The following NR1I2 variants were observed in gnomAD, a reference collection of about 807,000 sequenced individuals.
NR1I2 encodes orphan nuclear receptor PAR1.
In NR1I2, 42 loss-of-function variants were observed where a neutral mutation model predicts 43.3. The observed-to-expected ratio is 0.97, with a 90% CI of 0.76 to 1.26. The LOEUF is 1.26. NR1I2 is among the 50% of genes most tolerant of loss of function. The pLI, the probability that NR1I2 is intolerant of heterozygous loss-of-function variation, is 0.00. For missense variants in NR1I2, 559 were observed against 566.7 expected, an observed-to-expected ratio of 0.99 and a Z score of 0.14; for synonymous variants, 229 against 215.0, an observed-to-expected ratio of 1.06 and a Z score of -0.57.
chr3:119,805,849 C>T (rs997776400), intron 1 of NR1I2, among the ~76,000 whole-genome samples: 9 of 152,054 alleles, frequency 5.9e-5, no homozygotes, highest in African/African-American at 1.9e-4. Context: ...CTAAAGTATA[C>T]ATTTTGTCTG....
chr3:119,817,135 C>A lies in NR1I2; in HGVS notation c.1228C>A (p.Arg410=), dbSNP rs750767310. 2 of 1,614,054 alleles carry A rather than the reference C, an allele frequency of 1.2e-6. No individual in the cohort carries two copies. Among genetic ancestry groups the A allele is most frequent in the Admixed American group, 1.7e-5 (1 of 60,010 alleles). Residue 410 remains arginine, a synonymous_variant, in exon 9 of 9, where the codon CGG becomes AGG. Transcript: ENST00000393716. Reference sequence around the variant, plus strand: ...CAGCATCAATGCTCAGCACACCCAGCGGCTGCTGCGCATCCAGGACATACA... The same window carrying A: ...CAGCATCAATGCTCAGCACACCCAGAGGCTGCTGCGCATCCAGGACATACA...
chr3:119,801,712 G>A (rs892303888), intron 1 of NR1I2, among the ~76,000 whole-genome samples: 3 of 152,182 alleles, frequency 2.0e-5, no homozygotes, highest in Non-Finnish European at 4.4e-5. Context: ...TTTCTGTGTT[G>A]GCTGGGCTCA....
At chr3:119,796,867 T>G (rs765064223) in intron 1 of NR1I2, among the ~76,000 whole-genome samples, 15 of 152,204 alleles carry the variant, frequency 9.9e-5, no homozygotes, top group African/African-American at 2.4e-5. Flanking sequence ...TGTCAGCCTC[T>G]CTCAGCAGCT....
Position 119,817,512 on chromosome 3 carries a change from T to C in NR1I2, c.*300T>C. 7.9e-7 allele frequency: 1 copy of C among 1,259,922 alleles called. No homozygotes were observed. The highest frequency in any genetic ancestry group is 1.0e-6 in the Non-Finnish European group (1 of 988,206). The allele number at this position is 1,259,922 out of a possible 1,614,324, so 78.0% of individuals were successfully genotyped here. On this transcript the variant is annotated 3_prime_UTR_variant, in exon 9 of 9. Transcript: ENST00000393716. ...TGCCCTTTCCTTTTAAAAGGCCCTGTGGTCTGGGGAGAAATCCCTCAGATC... is the reference window on the plus strand; with the variant it reads ...TGCCCTTTCCTTTTAAAAGGCCCTGCGGTCTGGGGAGAAATCCCTCAGATC...
At chr3:119,809,971 G>T in intron 2 of NR1I2, 90 bp from the exon 3 acceptor site, 1 of 1,544,756 alleles carries the variant, frequency 6.5e-7, no homozygotes. Context: ...AGTCGGTAGG[G>T]GCTGGGGAGG....
chr3:119,815,018 G>A lies in NR1I2; in HGVS notation c.834G>A (p.Gly278=), dbSNP rs12721612. The change falls in exon 6 of 9, where the codon GGG becomes GGA. Residue 278 remains glycine, a synonymous_variant. Transcript: ENST00000393716. Reference sequence around the variant, plus strand: ...AGGACCAGATCTCCCTGCTGAAGGGGGCCGCTTTCGAGCTGTGTCAACTGA... The same window carrying A: ...AGGACCAGATCTCCCTGCTGAAGGGAGCCGCTTTCGAGCTGTGTCAACTGA... The A allele has an allele frequency of 1.9e-3, 3,072 of 1,614,184 alleles. 48 individuals carry two copies. In the African/African-American group the frequency reaches 0.036, roughly 19 times the overall value.
chr3:119,816,893 T>C (rs1018384155), intron 8 of NR1I2, among the ~76,000 whole-genome samples, 175 bp from the exon 9 acceptor site: 2 of 151,468 alleles, frequency 1.3e-5, no homozygotes, highest in Middle Eastern at 3.2e-3. Flanking sequence ...TTGGGCAGGC[T>C]GTTCTGCCTT....
At chr3:119,806,459 T>C (rs1244568509) in intron 1 of NR1I2, among the ~76,000 whole-genome samples, 1 of 152,116 alleles carries the variant, frequency 6.6e-6, no homozygotes, top group Non-Finnish European at 1.5e-5. Flanking sequence ...TGTTTTTTTT[T>C]ATTTTTTGTA....
chr3:119,784,254 G>T (rs1200749500), intron 1 of NR1I2, among the ~76,000 whole-genome samples: 1 of 152,126 alleles, frequency 6.6e-6, no homozygotes, highest in African/African-American at 2.4e-5. Context: ...TTTTTCCATT[G>T]AATTAGTGCA....
At chr3:119,798,568 G>C (rs1424522400) in intron 1 of NR1I2, among the ~76,000 whole-genome samples, 1 of 150,950 alleles carries the variant, frequency 6.6e-6, no homozygotes, top group African/African-American at 2.4e-5. Flanking sequence ...TGAACCCGGG[G>C]GGCGGAGCTT....
At chr3:119,815,930 A>T (rs2055322486) in intron 8 of NR1I2, 99 bp downstream of exon 8, 2 of 967,312 alleles carry the variant, frequency 2.1e-6, no homozygotes, top group Non-Finnish European at 3.2e-6. Flanking sequence ...TGGCATCTGG[A>T]GGTAGCCCCA....
intron 1 of NR1I2, among the ~76,000 whole-genome samples, chr3:119,799,641 T>C (rs1281960135): frequency 6.6e-6 from 1 of 152,164 alleles, no homozygotes; most frequent in African/African-American, 2.4e-5. Context: ...GTCTTCCGAA[T>C]GTAATATGAC....
chr3:119,784,049 C>T (rs2054812834), intron 1 of NR1I2, among the ~76,000 whole-genome samples: 1 of 152,186 alleles, frequency 6.6e-6, no homozygotes, highest in Non-Finnish European at 1.5e-5. Flanking sequence ...TGCTTCTAGA[C>T]ATGTGCACGT....
chr3:119,796,493 T>C (rs1223958011), intron 1 of NR1I2, among the ~76,000 whole-genome samples: 1 of 152,224 alleles, frequency 6.6e-6, no homozygotes, highest in East Asian at 1.9e-4. Flanking sequence ...CTGAGCTCAC[T>C]CAAGCCTTGT....
chr3:119,812,560 C>T (rs2055258889), intron 4 of NR1I2, 126 bp from the exon 5 acceptor site: 2 of 1,023,374 alleles, frequency 2.0e-6, no homozygotes, highest in South Asian at 2.6e-5. Flanking sequence ...GGTGTGAATG[C>T]CTGCATTTGT....
chr3:119,800,718 G>A (rs183971134), intron 1 of NR1I2, among the ~76,000 whole-genome samples: 1 of 152,286 alleles, frequency 6.6e-6, no homozygotes, highest in Non-Finnish European at 1.5e-5. Context: ...TGGCAGTAAG[G>A]TTCCTCGGTC....
chr3:119,784,057 C>T (rs774552322), intron 1 of NR1I2, among the ~76,000 whole-genome samples: 7 of 152,180 alleles, frequency 4.6e-5, no homozygotes, highest in Non-Finnish European at 7.3e-5. Context: ...GACATGTGCA[C>T]GTATTGCACT....
chr3:119,785,121 A>G (rs1047642566), intron 1 of NR1I2, among the ~76,000 whole-genome samples: 15 of 152,306 alleles, frequency 9.8e-5, no homozygotes, highest in Middle Eastern at 3.4e-3. Context: ...AGTAGTAGCC[A>G]TGAAAGTAGA....
At position 119,811,685 on chromosome 3, in the gene NR1I2, A is replaced by C. The variant is rs1273540746; in HGVS notation, c.478A>C (p.Lys160Gln). The change falls in exon 4 of 9, where the codon AAA (lysine) becomes CAA (glutamine). Residue 160 changes from lysine to glutamine, a missense_variant. Physicochemically the swap from Lys to Gln is moderately conservative, Grantham distance 53. Transcript: ENST00000393716. ...CAGGGAGCTGATGGACGCTCAGATG[A>C]AAACCTTTGACACTACCTTCTCCCA... is the stretch of plus-strand genomic sequence containing the variant. The C allele has an allele frequency of 6.2e-6, 10 of 1,613,338 alleles. No homozygotes were observed. The highest frequency in any genetic ancestry group is 1.6e-4 in the Middle Eastern group (1 of 6,084).
Sources: gnomAD v4.1 joint callset for allele counts (sites outside exome capture counted in the v4.1 genomes callset) on GRCh38, gnomAD v4.1.1 for gene constraint, MANE v1.5 for transcripts, NCBI Gene and HGNC (gene_info 2026-07-23, HGNC 2026-07-21) for gene names.